The following FGF11 variants were observed in gnomAD, a reference collection of about 807,000 sequenced individuals.
FGF11 encodes fibroblast growth factor homologous factor 3.
FGF11 carries 25 observed loss-of-function variants against 25.1 expected under a neutral mutation model. That is an observed-to-expected ratio of 1.00 (90% CI 0.73 to 1.39). FGF11 has a LOEUF of 1.39. Among genes scored for constraint, FGF11 ranks in the 40% most tolerant of loss-of-function variants. The pLI, the probability that FGF11 is intolerant of heterozygous loss-of-function variation, is 0.00. For synonymous variants in FGF11, 130 were observed against 128.9 expected (o/e 1.01, Z -0.06); for missense variants, 320 against 311.0 (o/e 1.03, Z -0.22).
Position 7,441,573 on chromosome 17 carries a change from G to C in FGF11, c.296G>C (p.Ser99Thr). The change falls in exon 2 of 5, where the codon AGC becomes ACC. Residue 99 changes from serine to threonine, a missense_variant. Ser to Thr is a moderately conservative substitution (Grantham distance 58, BLOSUM62 1). Coordinates refer to ENST00000293829, the MANE Select transcript of FGF11 (RefSeq NM_004112.4). ...GSIQGTPEDTSSFTHFNLIPV... is the reference protein window; with the variant it reads ...GSIQGTPEDTTSFTHFNLIPV... ...ATCCAGGGCACCCCAGAGGATACCA[G>C]CTCCTTCAGTGAGAGGGGAAGCTGG... 1.2e-6 allele frequency: 2 copies of C among 1,614,190 alleles called. No homozygotes were observed. Among genetic ancestry groups the C allele is most frequent in the South Asian group, 1.1e-5 (1 of 91,082 alleles).
chr17:7,444,894 C>T lies in FGF11; in HGVS notation c.*1748C>T. ...TGGCACTGCTCCCAGGGGATCGGGTCTCCACTCCAGCTTTCTCAATTAAAG... is the reference window on the plus strand; with the variant it reads ...TGGCACTGCTCCCAGGGGATCGGGTTTCCACTCCAGCTTTCTCAATTAAAG... On this transcript the variant is annotated 3_prime_UTR_variant, in exon 5 of 5. Coordinates refer to ENST00000293829, the MANE Select transcript of FGF11 (RefSeq NM_004112.4). 1 of 600,388 alleles carries T rather than the reference C, an allele frequency of 1.7e-6. No homozygotes were observed. The highest frequency in any genetic ancestry group is 2.0e-5 in the South Asian group (1 of 50,788). The allele number at this position is 600,388 out of a possible 1,614,324, so 37.2% of individuals were successfully genotyped here. A position where few individuals can be genotyped will look rare whatever the true frequency, so the allele number is the denominator to read the frequency against.
intron 1 of FGF11, 125 bp downstream of exon 1, chr17:7,439,938 A>G (rs957850466): frequency 6.8e-6 from 5 of 736,344 alleles, no homozygotes; most frequent in African/African-American, 3.7e-5. Flanking sequence ...GTGGGCCAGG[A>G]CGACAAAGTC....
chr17:7,441,732 G>C (rs913273598), intron 2 of FGF11, 44 bp from the exon 3 acceptor site: 2 of 1,564,842 alleles, frequency 1.3e-6, no homozygotes, highest in Admixed American at 1.8e-5. Context: ...GCTCAGGTGA[G>C]GGTCAGAGGC....
At position 7,441,862 on chromosome 17, in the gene FGF11, G is replaced by A. The variant is rs1908344442; in HGVS notation, c.391G>A (p.Gly131Arg). The change falls in exon 3 of 5, where the codon GGA (glycine) becomes AGA (arginine). Residue 131 changes from glycine (G) to arginine (R), a missense_variant. Gly to Arg is a moderately radical substitution (Grantham distance 125). Transcript: ENST00000293829. The part of the protein sequence containing the change: ...LGHYMAMNAE[G>R]LLYSSPHFTA... ...TCACTACATGGCCATGAATGCTGAG[G>A]GACTGCTCTACAGTTCGGTGAGACA... is the stretch of plus-strand genomic sequence containing the variant. 19 of 1,609,030 alleles carry A rather than the reference G, an allele frequency of 1.2e-5. No individual in the cohort carries two copies. The highest frequency in any genetic ancestry group is 1.7e-4 in the Middle Eastern group (1 of 6,034).
chr17:7,440,163 C>T lies in FGF11; in HGVS notation c.193+350C>T, dbSNP rs1908248574. On this transcript the variant is annotated intron_variant, in intron 1 of 4. Transcript: ENST00000293829. This position sits in a 1 kb window ranked among gnomAD's most constrained non-coding sequence, Gnocchi z 5.4. Reference sequence around the variant, plus strand: ...ATTCTTTCAATCTGGAGCGGAGGGGCCCGGGGGTTTCCAGATGCCTGGGTC... The same window carrying T: ...ATTCTTTCAATCTGGAGCGGAGGGGTCCGGGGGTTTCCAGATGCCTGGGTC... 1 of 219,936 alleles carries T rather than the reference C, an allele frequency of 4.5e-6. No individual in the cohort carries two copies. Among genetic ancestry groups the T allele is most frequent in the Non-Finnish European group, 8.9e-6 (1 of 112,798 alleles). The allele number at this position is 219,936 out of a possible 1,614,324, so 13.6% of individuals were successfully genotyped here. A position where few individuals can be genotyped will look rare whatever the true frequency, so the allele number is the denominator to read the frequency against.
chr17:7,443,027 C>A (rs1162906801), intron 4 of FGF11, 49 bp from the exon 5 acceptor site: 2 of 1,463,064 alleles, frequency 1.4e-6, no homozygotes, highest in Non-Finnish European at 9.5e-7. Flanking sequence ...GCCTGGGTCC[C>A]TCTGTGCCTA....
chr17:7,442,612 T>C lies in FGF11; in HGVS notation c.427T>C (p.Cys143Arg). The change falls in exon 4 of 5, where the codon TGT (cysteine) becomes CGT (arginine). Residue 143 changes from cysteine to arginine, a missense_variant. Physicochemically the swap from Cys to Arg is radical, Grantham distance 180 (BLOSUM62 -3). Transcript: ENST00000293829. ...TCCTTAGCCGCATTTCACAGCTGAGTGTCGCTTTAAGGAGTGTGTCTTTGA... is the reference window on the plus strand; with the variant it reads ...TCCTTAGCCGCATTTCACAGCTGAGCGTCGCTTTAAGGAGTGTGTCTTTGA... The part of the protein sequence containing the change: ...LYSSPHFTAE[C>R]RFKECVFENY... The C allele has an allele frequency of 6.2e-7, 1 of 1,614,184 alleles. No homozygotes were observed. Among genetic ancestry groups the C allele is most frequent in the Non-Finnish European group, 8.5e-7 (1 of 1,180,028 alleles).
Position 7,439,584 on chromosome 17 carries a change from C to A in FGF11, c.-37C>A. Reference sequence around the variant, plus strand: ...CTGGGGGAGCCCAGCGCGCTCCGGGCGCCTGCCGGTTTGGGGGTGTCTCCT... The same window carrying A: ...CTGGGGGAGCCCAGCGCGCTCCGGGAGCCTGCCGGTTTGGGGGTGTCTCCT... On this transcript the variant is annotated 5_prime_UTR_variant, in exon 1 of 5. Transcript: ENST00000293829. 7.3e-7 allele frequency: 1 copy of A among 1,378,996 alleles called. No homozygotes were observed. The highest frequency in any genetic ancestry group is 2.5e-4 in the Middle Eastern group (1 of 3,968). 85.4% of individuals were successfully genotyped at this position (1,378,996 alleles called of 1,614,324 possible).
In FGF11 at chr17:7,442,671, C is replaced by T. The variant is rs778717533; in HGVS notation, c.486C>T (p.Tyr162=). Residue 162 remains tyrosine, a synonymous_variant, in exon 4 of 5, where the codon TAC becomes TAT. Coordinates refer to ENST00000293829, the MANE Select transcript of FGF11 (RefSeq NM_004112.4). The part of the protein sequence containing the change: ...NYYVLYASAL[Y]RQRRSGRAWY... Reference sequence around the variant, plus strand: ...ACGTCCTGTACGCCTCTGCTCTCTACCGCCAGCGTCGTTCTGGCCGGGCCT... The same window carrying T: ...ACGTCCTGTACGCCTCTGCTCTCTATCGCCAGCGTCGTTCTGGCCGGGCCT... 3.7e-6 allele frequency: 6 copies of T among 1,614,202 alleles called. No homozygotes were observed. Among genetic ancestry groups the T allele is most frequent in the Non-Finnish European group, 5.1e-6 (6 of 1,180,040 alleles).
Position 7,440,981 on chromosome 17 carries a change from C to A in FGF11, c.194-490C>A. The A allele has an allele frequency of 1.0e-6, 1 of 1,003,218 alleles. No individual in the cohort carries two copies. Among genetic ancestry groups the A allele is most frequent in the Non-Finnish European group, 1.2e-6 (1 of 838,388 alleles). The allele number at this position is 1,003,218 out of a possible 1,614,324, so 62.1% of individuals were successfully genotyped here. On this transcript the variant is annotated intron_variant, in intron 1 of 4. Transcript: ENST00000293829. The surrounding 1 kb of genome is among the most constrained non-coding windows in gnomAD (Gnocchi z 5.4). ...CGCTGGGCCAAGGCAAGGCTCTCGC[C>A]AAGCTAGCGGCAGCCGCAGCAGGTG...
At position 7,442,595 on chromosome 17, in the gene FGF11, C is replaced by T. The variant is rs777240470; in HGVS notation, c.410C>T (p.Pro137Leu). 29 of 1,614,042 alleles carry T rather than the reference C, an allele frequency of 1.8e-5. No individual in the cohort carries two copies. Among genetic ancestry groups the T allele is most frequent in the South Asian group, 7.7e-5 (7 of 91,064 alleles). ...CTTTCTGGGTCTTTGTCTCCTTAGC[C>T]GCATTTCACAGCTGAGTGTCGCTTT... ...MNAEGLLYSS[P>L]HFTAECRFKE... The change falls in exon 4 of 5, where the codon CCG (proline) becomes CTG (leucine). Residue 137 changes from proline (P) to leucine (L), a missense_variant and splice_region_variant. Pro to Leu is a moderately conservative substitution (Grantham distance 98, BLOSUM62 -3). Transcript: ENST00000293829.
Position 7,442,596 on chromosome 17 carries a change from G to C in FGF11, c.411G>C (p.Pro137=). 2 of 1,614,058 alleles carry C rather than the reference G, an allele frequency of 1.2e-6. No homozygotes were observed. Among genetic ancestry groups the C allele is most frequent in the East Asian group, 4.5e-5 (2 of 44,882 alleles). The stretch of plus-strand genomic sequence containing the variant: ...TTTCTGGGTCTTTGTCTCCTTAGCC[G>C]CATTTCACAGCTGAGTGTCGCTTTA... ...MNAEGLLYSS[P]HFTAECRFKE... The change falls in exon 4 of 5, where the codon CCG becomes CCC. Residue 137 remains proline (P), a splice_region_variant and synonymous_variant. Coordinates refer to ENST00000293829, the MANE Select transcript of FGF11 (RefSeq NM_004112.4).
In FGF11 at chr17:7,440,122, C is replaced by T. The variant is rs1052676886; in HGVS notation, c.193+309C>T. On this transcript the variant is annotated intron_variant, in intron 1 of 4. Coordinates refer to ENST00000293829, the MANE Select transcript of FGF11 (RefSeq NM_004112.4). The surrounding 1 kb of genome is among the most constrained non-coding windows in gnomAD (Gnocchi z 5.4). ...CCCCACCCCCATCGTCCTCCGCCTA[C>T]GTGCCGGTTCTCGCGATTCTTTCAA... The T allele has an allele frequency of 3.3e-6, 1 of 300,302 alleles. No homozygotes were observed. Among genetic ancestry groups the T allele is most frequent in the Non-Finnish European group, 6.1e-6 (1 of 163,946 alleles). The allele number at this position is 300,302 out of a possible 1,614,324, so 18.6% of individuals were successfully genotyped here.
At chr17:7,442,816 TG>T in intron 4 of FGF11, 24 bp downstream of exon 4, 1 of 1,611,166 alleles carries the variant, frequency 6.2e-7, no homozygotes, top group African/African-American at 1.3e-5. Context: ...CAAGAAAATG[TG>T]GGCCACAGGA....
chr17:7,442,367 G>C (rs1908368357), intron 3 of FGF11: 1 of 1,309,278 alleles, frequency 7.6e-7, no homozygotes, highest in Non-Finnish European at 9.9e-7. Context: ...GCCTCCCAAA[G>C]TGTTGGGATT....
chr17:7,440,568 A>G lies in FGF11; in HGVS notation c.193+755A>G. 1 of 774,996 alleles carries G rather than the reference A, an allele frequency of 1.3e-6. No individual in the cohort carries two copies. The highest frequency in any genetic ancestry group is 1.6e-6 in the Non-Finnish European group (1 of 637,902). The allele number at this position is 774,996 out of a possible 1,614,324, so 48.0% of individuals were successfully genotyped here. On this transcript the variant is annotated intron_variant, in intron 1 of 4. Transcript: ENST00000293829. This position sits in a 1 kb window ranked among gnomAD's most constrained non-coding sequence, Gnocchi z 5.4. The stretch of plus-strand genomic sequence containing the variant: ...GGGGACAGGGAAGTCGGCAGAGAGC[A>G]AGCGATGGGGGAGGAGAGTTGTGAG...
Position 7,440,687 on chromosome 17 carries a change from G to A in FGF11, c.194-784G>A. On this transcript the variant is annotated intron_variant, in intron 1 of 4. Transcript: ENST00000293829. This position sits in a 1 kb window ranked among gnomAD's most constrained non-coding sequence, Gnocchi z 5.4. ...CAGCTCCCCTAAGGGTAGCCACCTC[G>A]CGCCCTCCTCCCCGCGCCACCGGCT... The A allele has an allele frequency of 4.1e-6, 4 of 985,444 alleles. No homozygotes were observed. Among genetic ancestry groups the A allele is most frequent in the Non-Finnish European group, 4.8e-6 (4 of 830,266 alleles). 61.0% of individuals were successfully genotyped at this position (985,444 alleles called of 1,614,324 possible).
In FGF11 at chr17:7,442,791, G is replaced by T. The variant is rs780997215; in HGVS notation, c.606G>T (p.Glu202Asp). The T allele has an allele frequency of 8.1e-6, 13 of 1,613,756 alleles. No individual in the cohort carries two copies. The East Asian group carries it at 2.7e-4, about 33-fold the overall frequency. Residue 202 changes from glutamate to aspartate, a missense_variant and splice_region_variant, in exon 4 of 5, where the codon GAG (glutamate) becomes GAT (aspartate). Transcript: ENST00000293829. ...CCCACTTTCTGCCCAAGCTCCTGGAGGGTGGGTATAGACTCAAGAAAATGT... is the reference window on the plus strand; with the variant it reads ...CCCACTTTCTGCCCAAGCTCCTGGATGGTGGGTATAGACTCAAGAAAATGT... ...AAAHFLPKLL[E>D]VAMYQEPSLH...
In FGF11 at chr17:7,440,464, G is replaced by T. The variant is rs960403236; in HGVS notation, c.193+651G>T. ...GAAATCGGGTCCCGTAGGCTCAGGG[G>T]ACCCTACGCTGGCAGGAACTCAGAC... On this transcript the variant is annotated intron_variant, in intron 1 of 4. Coordinates refer to ENST00000293829, the MANE Select transcript of FGF11 (RefSeq NM_004112.4). The surrounding 1 kb of genome is among the most constrained non-coding windows in gnomAD (Gnocchi z 5.4). The T allele has an allele frequency of 1.2e-5, 2 of 166,816 alleles. No homozygotes were observed. Among genetic ancestry groups the T allele is most frequent in the Non-Finnish European group, 2.4e-5 (2 of 81,758 alleles). The allele number at this position is 166,816 out of a possible 1,614,324, so 10.3% of individuals were successfully genotyped here.
Sources: gnomAD v4.1 joint callset for allele counts on GRCh38, gnomAD v4.1.1 for gene constraint, Gnocchi (gnomAD v3.1) non-coding constraint, MANE v1.5 for transcripts, NCBI Gene and HGNC (gene_info 2026-07-23, HGNC 2026-07-21) for gene names.